SRSF5: variants seen among roughly 807,000 people sequenced by gnomAD.
The protein encoded by SRSF5 is serine/arginine-rich splicing factor 5.
Under a neutral mutation model 34.0 loss-of-function variants are expected in SRSF5, and 5 were observed. That is an observed-to-expected ratio of 0.15 (90% CI 0.08 to 0.31). The LOEUF (loss-of-function observed/expected upper bound fraction) is 0.31, where lower values mean the gene tolerates loss of function less well. Among genes scored for constraint, SRSF5 ranks in the 10% least tolerant of loss-of-function variants. The pLI is 1.00. For missense variants in SRSF5, 223 were observed against 351.4 expected (o/e 0.63, Z 2.92); for synonymous variants, 164 against 117.7 (o/e 1.39, Z -2.55).
Position 69,771,479 on chromosome 14 carries a change from C to G in SRSF5, c.*18C>G. ...GCAATTAAACTGTAAATAACTTGCC[C>G]TGGGGGCCTTTTTTTAAAAAACAAA... On this transcript the variant is annotated 3_prime_UTR_variant, in exon 8 of 8. Transcript: ENST00000557154. The G allele has an allele frequency of 1.1e-5, 17 of 1,583,868 alleles. No homozygotes were observed. The highest frequency in any genetic ancestry group is 1.5e-5 in the Non-Finnish European group (17 of 1,167,404).
Position 69,768,132 on chromosome 14 carries a change from T to G in SRSF5, c.-19-6T>G, listed in dbSNP as rs148136561. ...CTATTATCTCGATTGAATTACTTTCTAATAGGAAGTACTAGCCGGACATCA... is the reference window on the plus strand; with the variant it reads ...CTATTATCTCGATTGAATTACTTTCGAATAGGAAGTACTAGCCGGACATCA... On this transcript the variant is annotated splice_polypyrimidine_tract_variant and splice_region_variant and intron_variant, in intron 1 of 7. Coordinates refer to ENST00000557154, the MANE Select transcript of SRSF5 (RefSeq NM_001320214.2). 288 of 1,614,038 alleles carry G rather than the reference T, an allele frequency of 1.8e-4. No individual in the cohort carries two copies. The African/African-American group carries it at 3.6e-3, about 20-fold the overall frequency.
At chr14:69,767,678 C>T (rs1302531596) in intron 1 of SRSF5, 1 of 365,356 alleles carries the variant, frequency 2.7e-6, no homozygotes, top group East Asian at 7.8e-5. Context: ...CCACCGCCGC[C>T]ATTTTGTGGC....
intron 6 of SRSF5, 140 bp downstream of exon 6, chr14:69,770,680 C>G (rs756253104): frequency 4.8e-5 from 38 of 792,306 alleles, no homozygotes; most frequent in Non-Finnish European, 7.1e-5. Context: ...TCCTCCCCCC[C>G]ACACCTTTGG....
intron 6 of SRSF5, 71 bp downstream of exon 6, chr14:69,770,611 C>G: frequency 7.2e-7 from 1 of 1,396,214 alleles, no homozygotes; most frequent in Non-Finnish European, 1.0e-6. Context: ...GTTTTGAGGA[C>G]TTAAAATTTG....
chr14:69,767,841 A>G (rs961426108), intron 1 of SRSF5: 12 of 374,046 alleles, frequency 3.2e-5, no homozygotes, highest in Admixed American at 2.3e-4. Context: ...GGCCTTTCCT[A>G]ACTGCGGCAG....
chr14:69,768,487 T>C (rs1368744349), intron 2 of SRSF5, 117 bp from the exon 3 acceptor site: 1 of 1,227,282 alleles, frequency 8.1e-7, no homozygotes, highest in Admixed American at 1.9e-5. Flanking sequence ...TAGGTTTGAC[T>C]GTATGGCAGT....
At chr14:69,767,297 C>CTTCTT (rs1279085767) in intron 1 of SRSF5, 42 bp downstream of exon 1, 1 of 414,800 alleles carries the variant, frequency 2.4e-6, no homozygotes, top group Admixed American at 3.4e-5. Flanking sequence ...CGGATCGAGG[C>CTTCTT]TTCTTCATGG....
At chr14:69,769,577 C>T (rs1385975246) in intron 5 of SRSF5, 4 of 1,535,282 alleles carry the variant, frequency 2.6e-6, no homozygotes, top group African/African-American at 2.7e-5. Flanking sequence ...GTCTTGGTCA[C>T]TCTTGGTTGG....
chr14:69,770,443 T>C, intron 5 of SRSF5, 24 bp from the exon 6 acceptor site: 1 of 1,610,228 alleles, frequency 6.2e-7, no homozygotes, highest in South Asian at 1.1e-5. Flanking sequence ...TCTTCTTTGC[T>C]TAACACAATT....
Position 69,771,454 on chromosome 14 carries a change from G to A in SRSF5, c.812G>A (p.Gly271Asp), listed in dbSNP as rs1156691497. ...SRSRSRSVDS[G>D]N Reference sequence around the variant, plus strand: ...TCAAGGTCCAGATCAGTTGACAGTGGCAATTAAACTGTAAATAACTTGCCC... The same window carrying A: ...TCAAGGTCCAGATCAGTTGACAGTGACAATTAAACTGTAAATAACTTGCCC... The change falls in exon 8 of 8, where the codon GGC (glycine) becomes GAC (aspartate). Residue 271 changes from glycine to aspartate, a missense_variant. Gly to Asp is a moderately conservative substitution (Grantham distance 94, BLOSUM62 -1). Coordinates refer to ENST00000557154, the MANE Select transcript of SRSF5 (RefSeq NM_001320214.2). 1.2e-6 allele frequency: 2 copies of A among 1,613,294 alleles called. No individual in the cohort carries two copies. The highest frequency in any genetic ancestry group is 1.7e-6 in the Non-Finnish European group (2 of 1,179,568).
rs1006618537 is a variant in SRSF5 at position 69,768,254 on chromosome 14, T to C, written c.98T>C (p.Ile33Thr). 1.9e-6 allele frequency: 3 copies of C among 1,614,218 alleles called. No individual in the cohort carries two copies. Among genetic ancestry groups the C allele is most frequent in the East Asian group, 2.2e-5 (1 of 44,894 alleles). The part of the protein sequence containing the change: ...FFKGYGRIRD[I>T]DLKRGFGFVE... ...AAGGGATATGGACGGATAAGAGATA[T>C]TGATCTGAAAAGAGGCTTTGGTTTT... Residue 33 changes from isoleucine to threonine, a missense_variant, in exon 2 of 8, where the codon ATT becomes ACT. Around this residue, in one of 4 missense-constraint regions of SRSF5, gnomAD observed 27 missense variants for 90.7 expected, o/e 0.30. Transcript: ENST00000557154.
intron 1 of SRSF5, chr14:69,767,904 TG>T: frequency 2.1e-6 from 1 of 472,832 alleles, no homozygotes; most frequent in Non-Finnish European, 3.9e-6. Context: ...GTTGGAAAGG[TG>T]GCAGTGGGCG....
Position 69,768,619 on chromosome 14 carries a change from A to G in SRSF5, c.142A>G (p.Arg48Gly). 6.2e-7 allele frequency: 1 copy of G among 1,614,224 alleles called. No homozygotes were observed. The highest frequency in any genetic ancestry group is 8.5e-7 in the Non-Finnish European group (1 of 1,180,028). Residue 48 changes from arginine to glycine, a missense_variant, in exon 3 of 8, where the codon AGG (arginine) becomes GGG (glycine). By Grantham distance (125) the Arg-to-Gly change is moderately radical (BLOSUM62 -2). Coordinates refer to ENST00000557154, the MANE Select transcript of SRSF5 (RefSeq NM_001320214.2). ...GFGFVEFEDPRDADDAVYELD... is the reference protein window; with the variant it reads ...GFGFVEFEDPGDADDAVYELD... ...TACATTTTAGGAATTTGAGGATCCA[A>G]GGGATGCAGATGATGCTGTGTATGA...
At chr14:69,769,057 C>T (rs138540772) in intron 4 of SRSF5, 125 bp from the exon 5 acceptor site, 13 of 1,328,684 alleles carry the variant, frequency 9.8e-6, no homozygotes, top group Middle Eastern at 3.6e-4. Context: ...AGTCATAGAA[C>T]ACAAATCTAT....
rs754240035 is a variant in SRSF5, at chr14:69,768,298, T to TG, written c.126+19dup. On this transcript the variant is annotated intron_variant, in intron 2 of 7. Coordinates refer to ENST00000557154, the MANE Select transcript of SRSF5 (RefSeq NM_001320214.2). ...TGGTTTTGTGGTAAGTATTTAGAAC[T>TG]GGGTGAATTATCTGCTAAGTAGGTA... 3 of 1,613,868 alleles carry TG rather than the reference T, an allele frequency of 1.9e-6. No individual in the cohort carries two copies. The African/African-American group carries it at 4.0e-5, about 22-fold the overall frequency.
chr14:69,769,289 C>G (rs753340789), intron 5 of SRSF5, 38 bp downstream of exon 5: 5 of 1,608,764 alleles, frequency 3.1e-6, no homozygotes, highest in African/African-American at 1.3e-5. Flanking sequence ...TTTGATGTGG[C>G]TTTTTAAAAA....
rs1882556830 is a variant in SRSF5 at position 69,767,250 on chromosome 14, C to T, written c.-25C>T. 2.6e-6 allele frequency: 1 copy of T among 380,896 alleles called. No individual in the cohort carries two copies. The highest frequency in any genetic ancestry group is 3.7e-5 in the Admixed American group (1 of 27,072). The allele number at this position is 380,896 out of a possible 1,614,324, so 23.6% of individuals were successfully genotyped here. A position where few individuals can be genotyped will look rare whatever the true frequency, so the allele number is the denominator to read the frequency against. Reference sequence around the variant, plus strand: ...GGTCTCAGCCGCCAAAGACCCCGTCCGGTAGGTGAGTGGCTCACTTTGAGG... The same window carrying T: ...GGTCTCAGCCGCCAAAGACCCCGTCTGGTAGGTGAGTGGCTCACTTTGAGG... On this transcript the variant is annotated 5_prime_UTR_variant, in exon 1 of 8. Transcript: ENST00000557154.
intron 6 of SRSF5, among the ~76,000 whole-genome samples, 179 bp downstream of exon 6, chr14:69,770,719 C>A (rs193297544): frequency 2.7e-4 from 41 of 152,310 alleles, no homozygotes; most frequent in African/African-American, 9.9e-4. Flanking sequence ...TTGGTTGTCA[C>A]AACTGGTTGA....
intron 1 of SRSF5, chr14:69,767,609 G>T (rs957643551): frequency 1.3e-5 from 6 of 451,150 alleles, no homozygotes; most frequent in Non-Finnish European, 2.7e-5. Flanking sequence ...CGAGAAGGGG[G>T]TTGCTGGGAG....
Sources: gnomAD v4.1 joint callset for allele counts (sites outside exome capture counted in the v4.1 genomes callset) on GRCh38, gnomAD v4.1.1 for gene constraint, gnomAD v4.1.1 regional missense constraint, MANE v1.5 for transcripts, NCBI Gene and HGNC (gene_info 2026-07-23, HGNC 2026-07-21) for gene names.